CEP104: variants seen among roughly 807,000 people sequenced by gnomAD.
CEP104 encodes centrosomal protein of 104 kDa.
CEP104 carries 84 observed loss-of-function variants against 113.3 expected under a neutral mutation model. That is an observed-to-expected ratio of 0.74 (90% CI 0.62 to 0.89). CEP104 has a LOEUF of 0.89. CEP104 is among the 40% of genes least tolerant of loss of function. The pLI, the probability that CEP104 is intolerant of heterozygous loss-of-function variation, is 0.00. For missense variants in CEP104, 1,053 were observed against 1,156.6 expected, an observed-to-expected ratio of 0.91 and a Z score of 1.30; for synonymous variants, 378 against 421.7, an observed-to-expected ratio of 0.90 and a Z score of 1.27.
intron 20 of CEP104, among the ~76,000 whole-genome samples, chr1:3,821,430 C>T (rs1350119110): frequency 1.3e-5 from 2 of 152,158 alleles, no homozygotes; most frequent in Non-Finnish European, 2.9e-5. Flanking sequence ...AACCAGTAAA[C>T]CAAGGAAAAA....
intron 15 of CEP104, among the ~76,000 whole-genome samples, chr1:3,828,598 A>C (rs1479359493): frequency 6.6e-6 from 1 of 152,154 alleles, no homozygotes; most frequent in Non-Finnish European, 1.5e-5. Flanking sequence ...TGCAGGCCTG[A>C]GGTGCCAGCA....
intron 8 of CEP104, among the ~76,000 whole-genome samples, chr1:3,838,567 A>G (rs1644357025): frequency 6.6e-6 from 1 of 152,180 alleles, no homozygotes; most frequent in Non-Finnish European, 1.5e-5. Context: ...AGAGCACCTT[A>G]TGGGAAATAT....
chr1:3,845,377 T>A (rs749618920), intron 4 of CEP104, 26 bp from the exon 5 acceptor site: 7 of 1,475,730 alleles, frequency 4.7e-6, no homozygotes, highest in Non-Finnish European at 5.7e-6. Flanking sequence ...AATAACAGAA[T>A]TAAATATACA....
At chr1:3,846,086 CAAAAAAAAA>C (rs5772127) in intron 4 of CEP104, among the ~76,000 whole-genome samples, 21 of 95,118 alleles carry the variant, frequency 2.2e-4, no homozygotes, top group African/African-American at 5.0e-4. Context: ...AACTCCGTCT[CAAAAAAAAA>C]AAAAAAAAAA....
At chr1:3,831,601 T>C (rs1644209728) in intron 12 of CEP104, among the ~76,000 whole-genome samples, 1 of 152,204 alleles carries the variant, frequency 6.6e-6, no homozygotes, top group South Asian at 2.1e-4. Context: ...CACCGTTATT[T>C]TAGTATTTAT....
At chr1:3,827,013 T>C (rs1287391384) in intron 15 of CEP104, among the ~76,000 whole-genome samples, 1 of 151,870 alleles carries the variant, frequency 6.6e-6, no homozygotes, top group Non-Finnish European at 1.5e-5. Flanking sequence ...CTTAGCTGGG[T>C]GTGGTGGCGT....
At chr1:3,844,331 G>T (rs1644467227) in intron 6 of CEP104, among the ~76,000 whole-genome samples, 1 of 152,098 alleles carries the variant, frequency 6.6e-6, no homozygotes, top group African/African-American at 2.4e-5. Context: ...TGTGTGGCTG[G>T]GCACGGTGGC....
At position 3,823,720 on chromosome 1, in the gene CEP104, G is replaced by A. The variant is rs370490609; in HGVS notation, c.2365-158C>T. ...CTTCTATCTTCGGCATTTGCCCACAGACTGTCTGGAGTCACTTGTGATACT... is the reference window on the plus strand; with the variant it reads ...CTTCTATCTTCGGCATTTGCCCACAAACTGTCTGGAGTCACTTGTGATACT... On this transcript the variant is annotated intron_variant, in intron 18 of 21. Transcript: ENST00000378230. This position sits in a 1 kb window ranked among gnomAD's most constrained non-coding sequence, Gnocchi z 4.1. Among the ~76,000 whole-genome samples the A allele has an allele frequency of 2.4e-4, 36 of 152,354 alleles. 1 individual carries two copies. The South Asian group carries it at 5.8e-3, about 25-fold the overall frequency.
intron 2 of CEP104, among the ~76,000 whole-genome samples, chr1:3,849,976 A>G (rs889306748): frequency 6.6e-6 from 1 of 152,232 alleles, no homozygotes; most frequent in Admixed American, 6.5e-5. Context: ...CTATGTTTAG[A>G]TATACAGATA....
chr1:3,826,624 C>A, intron 16 of CEP104, 84 bp downstream of exon 16: 1 of 1,501,760 alleles, frequency 6.7e-7, no homozygotes, highest in South Asian at 1.1e-5. Context: ...AAGCCGTTCC[C>A]ACATGGAGCT....
In CEP104 at chr1:3,816,550, A is replaced by G. The variant is rs1382689249; in HGVS notation, c.2572-180T>C. 37 of 584,186 alleles carry G rather than the reference A, an allele frequency of 6.3e-5. 1 individual carries two copies. In the South Asian group the frequency reaches 7.5e-4, roughly 12 times the overall value. The allele number at this position is 584,186 out of a possible 1,614,324, so 36.2% of individuals were successfully genotyped here. A position where few individuals can be genotyped will look rare whatever the true frequency, so the allele number is the denominator to read the frequency against. On this transcript the variant is annotated intron_variant, in intron 20 of 21. Transcript: ENST00000378230. ...TCGGATATGTTATGATAGCCTCTGC[A>G]GTCTGTGCAGGGTACAACTCAGGAA...
chr1:3,817,565 G>C (rs1358597050), intron 20 of CEP104, among the ~76,000 whole-genome samples: 1 of 152,176 alleles, frequency 6.6e-6, no homozygotes, highest in East Asian at 1.9e-4. Flanking sequence ...CGGCAGGCCT[G>C]GGTTCTGGTC....
intron 6 of CEP104, among the ~76,000 whole-genome samples, chr1:3,841,122 G>GT (rs1644403807): frequency 1.3e-5 from 2 of 152,172 alleles, no homozygotes; most frequent in Admixed American, 1.3e-4. Flanking sequence ...CCCAGCTGCT[G>GT]TATCAACCCC....
At chr1:3,838,024 C>T (rs1202611726) in intron 8 of CEP104, among the ~76,000 whole-genome samples, 1 of 152,210 alleles carries the variant, frequency 6.6e-6, no homozygotes, top group African/African-American at 2.4e-5. Flanking sequence ...CTCATTAATG[C>T]TTACTCTGTT....
At chr1:3,825,682 G>T in intron 18 of CEP104, 76 bp downstream of exon 18, 2 of 944,004 alleles carry the variant, frequency 2.1e-6, no homozygotes, top group South Asian at 2.6e-5. Flanking sequence ...ACTTGGGACA[G>T]CTTTTTGACT....
chr1:3,822,188 T>C (rs1034895916), intron 20 of CEP104, among the ~76,000 whole-genome samples: 1 of 151,934 alleles, frequency 6.6e-6, no homozygotes, highest in Non-Finnish European at 1.5e-5. Flanking sequence ...CACTTTTCTG[T>C]GTACTCTGTG....
At chr1:3,847,979 C>T (rs1356595162) in intron 3 of CEP104, among the ~76,000 whole-genome samples, 1 of 152,090 alleles carries the variant, frequency 6.6e-6, no homozygotes, top group Non-Finnish European at 1.5e-5. Context: ...GGATTATAGA[C>T]GCTCACCACC....
At chr1:3,822,537 A>T (rs775430438) in intron 20 of CEP104, among the ~76,000 whole-genome samples, 5 of 152,232 alleles carry the variant, frequency 3.3e-5, no homozygotes, top group Non-Finnish European at 7.3e-5. Context: ...AGGGCTCAGC[A>T]TTCGCTGCCT....
At chr1:3,817,387 C>T (rs1489856564) in intron 20 of CEP104, among the ~76,000 whole-genome samples, 2 of 152,166 alleles carry the variant, frequency 1.3e-5, no homozygotes, top group Non-Finnish European at 2.9e-5. Context: ...GCCGCTCTCC[C>T]ATTCTCTGGT....
Sources: gnomAD v4.1 joint callset for allele counts (sites outside exome capture counted in the v4.1 genomes callset) on GRCh38, gnomAD v4.1.1 for gene constraint, Gnocchi (gnomAD v3.1) non-coding constraint, MANE v1.5 for transcripts, NCBI Gene and HGNC (gene_info 2026-07-23, HGNC 2026-07-21) for gene names.